Variants in HTR1F observed in about 807,000 individuals in gnomAD.
The protein encoded by HTR1F is 5-hydroxytryptamine receptor 1F.
HTR1F carries 17 observed loss-of-function variants against 24.0 expected under a neutral mutation model. The observed-to-expected ratio is 0.71, with a 90% CI of 0.48 to 1.06. The LOEUF is 1.06. Among genes scored for constraint, HTR1F ranks in the 50% least tolerant of loss-of-function variants. HTR1F has a pLI of 0.00. For synonymous variants in HTR1F, 186 were observed against 156.8 expected (o/e 1.19, Z -1.39); for missense variants, 391 against 427.8 (o/e 0.91, Z 0.76).
At chr3:87,957,444 G>A (rs1049962209) in intron 2 of HTR1F, among the ~76,000 whole-genome samples, 1 of 150,876 alleles carries the variant, frequency 6.6e-6, no homozygotes, top group African/African-American at 2.4e-5. Context: ...CTCTGGTTTT[G>A]GTCTCAGGAT....
chr3:87,955,119 A>G (rs1349243919), intron 2 of HTR1F, among the ~76,000 whole-genome samples: 3 of 151,498 alleles, frequency 2.0e-5, no homozygotes, highest in Non-Finnish European at 4.4e-5. Flanking sequence ...TACGAATTTT[A>G]ATAGTTGTGT....
In HTR1F at chr3:87,906,689, C is replaced by T. The variant is rs191405615; in HGVS notation, c.-42-84019C>T. On this transcript the variant is annotated intron_variant, in intron 2 of 2. Coordinates refer to ENST00000319595, the MANE Select transcript of HTR1F (RefSeq NM_001322209.2). ...AATGTGTAGTCTTTTATTCCTCGCCCCCCTCTCACTCATTCCCCCGGGTCC... is the reference window on the plus strand; with the variant it reads ...AATGTGTAGTCTTTTATTCCTCGCCTCCCTCTCACTCATTCCCCCGGGTCC... Among the ~76,000 whole-genome samples, 507 of 151,214 alleles carry T rather than the reference C, an allele frequency of 3.4e-3. 3 individuals are homozygous for T. The highest frequency in any genetic ancestry group is 5.0e-3 in the Admixed American group (76 of 15,104).
chr3:87,909,732 T>C (rs1402819186), intron 2 of HTR1F, among the ~76,000 whole-genome samples: 1 of 152,042 alleles, frequency 6.6e-6, no homozygotes. Context: ...CCCAGAGTCT[T>C]TAGAAATCCA....
chr3:87,830,524 G>A (rs569392257), intron 2 of HTR1F, among the ~76,000 whole-genome samples: 83 of 152,070 alleles, frequency 5.5e-4, no homozygotes, highest in South Asian at 8.3e-4. Flanking sequence ...CCTATGCTCT[G>A]GTTTATCATC....
chr3:87,850,677 A>G (rs1335747044), intron 2 of HTR1F, among the ~76,000 whole-genome samples: 2 of 151,862 alleles, frequency 1.3e-5, no homozygotes, highest in Non-Finnish European at 2.9e-5. Context: ...GTATGTCAAT[A>G]GAAATATTTT....
intron 2 of HTR1F, among the ~76,000 whole-genome samples, chr3:87,827,682 T>G (rs1221930912): frequency 6.6e-6 from 1 of 152,218 alleles, no homozygotes; most frequent in African/African-American, 2.4e-5. Flanking sequence ...TGAAGCAAAA[T>G]TTAACAACCT....
chr3:87,962,758 AAC>A (rs1271543131), intron 2 of HTR1F, among the ~76,000 whole-genome samples: 2 of 152,042 alleles, frequency 1.3e-5, no homozygotes, highest in Non-Finnish European at 2.9e-5. Context: ...GAAAAATGTA[AAC>A]ACAGAATACA....
chr3:87,918,964 G>C (rs888958515), intron 2 of HTR1F, among the ~76,000 whole-genome samples: 2 of 152,050 alleles, frequency 1.3e-5, no homozygotes, highest in African/African-American at 2.4e-5. Flanking sequence ...CACATTACCT[G>C]ATTTTAAACT....
chr3:87,867,438 A>T (rs189622578), intron 2 of HTR1F, among the ~76,000 whole-genome samples: 1 of 151,728 alleles, frequency 6.6e-6, no homozygotes, highest in South Asian at 2.1e-4. Flanking sequence ...AAATGGGGGG[A>T]AAAAACAAGA....
intron 2 of HTR1F, among the ~76,000 whole-genome samples, chr3:87,839,319 GA>G (rs1270633176): frequency 3.3e-5 from 5 of 152,088 alleles, no homozygotes; most frequent in African/African-American, 1.2e-4. Context: ...ACCATCTACT[GA>G]AAAGACTTCC....
chr3:87,878,787 A>G (rs1705724974), intron 2 of HTR1F, among the ~76,000 whole-genome samples: 1 of 152,136 alleles, frequency 6.6e-6, no homozygotes. Context: ...AGTAAAAGTT[A>G]TATGTTGCTG....
At chr3:87,912,483 T>G (rs1295575012) in intron 2 of HTR1F, among the ~76,000 whole-genome samples, 1 of 151,898 alleles carries the variant, frequency 6.6e-6, no homozygotes, top group African/African-American at 2.4e-5. Context: ...GTCATTAAAC[T>G]GGCCATACTG....
intron 2 of HTR1F, among the ~76,000 whole-genome samples, chr3:87,931,320 T>A (rs1279645185): frequency 6.6e-6 from 1 of 152,128 alleles, no homozygotes; most frequent in Non-Finnish European, 1.5e-5. Flanking sequence ...GTCCTTGTGA[T>A]AGTTTACTTA....
At chr3:87,915,071 T>C (rs1218527943) in intron 2 of HTR1F, among the ~76,000 whole-genome samples, 1 of 152,030 alleles carries the variant, frequency 6.6e-6, no homozygotes. Flanking sequence ...GCAGGTAAAT[T>C]TGGTGGGTGG....
At chr3:87,967,447 CAAA>C (rs71131532) in intron 2 of HTR1F, among the ~76,000 whole-genome samples, 1 of 149,104 alleles carries the variant, frequency 6.7e-6, no homozygotes, top group South Asian at 2.1e-4. Flanking sequence ...GAAACTGTCT[CAAA>C]AAAAAAAAAT....
chr3:87,855,821 G>A (rs1386216297), intron 2 of HTR1F, among the ~76,000 whole-genome samples: 5 of 152,070 alleles, frequency 3.3e-5, no homozygotes, highest in East Asian at 1.9e-4. Flanking sequence ...TTTGTCCAGC[G>A]TATCCACACT....
rs1705524027 is a variant in HTR1F at position 87,870,159 on chromosome 3, TAA to T, written c.-43+48036_-43+48037del. Among the ~76,000 whole-genome samples the T allele has an allele frequency of 3.3e-5, 5 of 152,112 alleles. 1 individual carries two copies. Among genetic ancestry groups the T allele is most frequent in the Admixed American group, 2.6e-4 (4 of 15,236 alleles). On this transcript the variant is annotated intron_variant, in intron 2 of 2. Coordinates refer to ENST00000319595, the MANE Select transcript of HTR1F (RefSeq NM_001322209.2). ...GTACATACTTCATAACTAAAAACTA[TAA>T]GTGAGTTTTCTATAATTATTTTAGT...
intron 2 of HTR1F, among the ~76,000 whole-genome samples, chr3:87,963,431 GA>G (rs1188629252): frequency 2.0e-5 from 3 of 152,220 alleles, no homozygotes; most frequent in African/African-American, 7.2e-5. Flanking sequence ...GCCTAAACAT[GA>G]AGAACTTTTA....
At chr3:87,844,003 T>G in intron 2 of HTR1F, among the ~76,000 whole-genome samples, 1 of 150,780 alleles carries the variant, frequency 6.6e-6, no homozygotes, top group Non-Finnish European at 1.5e-5. Flanking sequence ...TGCATGTGTC[T>G]TTATAGCAGC....
Sources: allele counts gnomAD v4.1 joint callset (sites outside exome capture counted in the v4.1 genomes callset), GRCh38; gene constraint gnomAD v4.1.1; transcripts MANE v1.5; gene names NCBI Gene and HGNC (gene_info 2026-07-23, HGNC 2026-07-21).